Variants in LPP observed in about 807,000 individuals in gnomAD.
The protein encoded by LPP is LIM domain containing preferred translocation partner in lipoma.
LPP carries 38 observed loss-of-function variants against 60.4 expected under a neutral mutation model. That is an observed-to-expected ratio of 0.63 (90% CI 0.49 to 0.83). The LOEUF (loss-of-function observed/expected upper bound fraction) is 0.83. LPP is among the 40% of genes least tolerant of loss of function. LPP has a pLI of 0.00. For missense variants in LPP, 902 were observed against 783.6 expected, an observed-to-expected ratio of 1.15 and a Z score of -1.80; for synonymous variants, 328 against 290.8, an observed-to-expected ratio of 1.13 and a Z score of -1.30.
chr3:188,449,058 A>G (rs1234758429), intron 4 of LPP, among the ~76,000 whole-genome samples: 2 of 152,242 alleles, frequency 1.3e-5, no homozygotes, highest in African/African-American at 4.8e-5. Flanking sequence ...ATTGTGTGGT[A>G]GGAAATCCAA....
In LPP at chr3:188,276,574, C is replaced by T. The variant is rs117470991; in HGVS notation, c.-67+51047C>T. ...TGGAGTCTGGTGGGAGGTGTTGGGG[C>T]GGATCCCTCATGACTTGGTGATGTC... On this transcript the variant is annotated intron_variant, in intron 2 of 11. Coordinates refer to ENST00000617246, the MANE Select transcript of LPP (RefSeq NM_001375462.1). 1.1e-3 allele frequency among the ~76,000 whole-genome samples: 165 copies of T among 152,096 alleles called. 3 individuals are homozygous for T. Among genetic ancestry groups the T allele is most frequent in the Admixed American group, 7.3e-3 (111 of 15,272 alleles).
chr3:188,678,592 A>G (rs1431973062), intron 7 of LPP, among the ~76,000 whole-genome samples: 1 of 152,202 alleles, frequency 6.6e-6, no homozygotes, highest in African/African-American at 2.4e-5. Flanking sequence ...CTGATTCCAA[A>G]CTTTATATTT....
chr3:188,645,245 G>A (rs1850889284), intron 7 of LPP, among the ~76,000 whole-genome samples: 2 of 151,124 alleles, frequency 1.3e-5, no homozygotes, highest in South Asian at 2.1e-4. Context: ...CTCAGTTCTA[G>A]AACTTTTTTT....
chr3:188,507,632 G>A (rs953724329), intron 5 of LPP, among the ~76,000 whole-genome samples: 11 of 152,110 alleles, frequency 7.2e-5, no homozygotes, highest in Admixed American at 2.6e-4. Flanking sequence ...GCAAAACCTT[G>A]TATAGCAAGA....
chr3:188,830,248 C>T (rs13073084), intron 9 of LPP, among the ~76,000 whole-genome samples: 14,856 of 147,938 alleles, frequency 0.1, 981 homozygotes, highest in Non-Finnish European at 0.15. Context: ...ATATAGAATG[C>T]GGAAACTCAT....
At chr3:188,512,344 G>A (rs1403914455) in intron 5 of LPP, among the ~76,000 whole-genome samples, 1 of 152,066 alleles carries the variant, frequency 6.6e-6, no homozygotes, top group Non-Finnish European at 1.5e-5. Context: ...GATCGCCTGA[G>A]GTCAGGAGTT....
intron 4 of LPP, among the ~76,000 whole-genome samples, chr3:188,429,969 A>C (rs916785354): frequency 1.3e-5 from 2 of 152,198 alleles, no homozygotes; most frequent in South Asian, 2.1e-4. Flanking sequence ...ACATTAAAAA[A>C]TGTGTGTATT....
At chr3:188,615,813 G>C (rs1844735694) in intron 7 of LPP, among the ~76,000 whole-genome samples, 1 of 152,070 alleles carries the variant, frequency 6.6e-6, no homozygotes. Context: ...TTGTTGTTTT[G>C]ATTTGCATTC....
intron 6 of LPP, among the ~76,000 whole-genome samples, chr3:188,596,629 G>T (rs146521983): frequency 0.023 from 3,529 of 152,010 alleles, 47 homozygotes; most frequent in Non-Finnish European, 0.033. Context: ...AAAAAAAACT[G>T]AGCAAACATC....
rs191879441 is a variant in LPP, at chr3:188,513,789, T to C, written c.307-10876T>C. The stretch of plus-strand genomic sequence containing the variant: ...TGAGGCTACTTGTGTATACCCAAGT[T>C]CAGATCACTTTAACCATGACCCTGC... On this transcript the variant is annotated intron_variant, in intron 5 of 11. Transcript: ENST00000617246. Among the ~76,000 whole-genome samples the C allele has an allele frequency of 6.9e-4, 105 of 152,294 alleles. 2 individuals are homozygous for C. In the East Asian group the frequency reaches 0.017, roughly 25 times the overall value.
At chr3:188,825,269 C>CTCTCTCTGTGTGTGTGTGTG (rs1463318065) in intron 9 of LPP, among the ~76,000 whole-genome samples, 1 of 101,690 alleles carries the variant, frequency 9.8e-6, no homozygotes, top group African/African-American at 3.9e-5. Flanking sequence ...CTCTCTCTCT[C>CTCTCTCTGTGTGTGTGTGTG]TGTGTGTGTG....
chr3:188,697,107 C>T (rs1863416295), intron 7 of LPP, among the ~76,000 whole-genome samples: 1 of 152,292 alleles, frequency 6.6e-6, no homozygotes, highest in Non-Finnish European at 1.5e-5. Context: ...TTGTCTGCCT[C>T]CCTGCTGAGG....
chr3:188,420,689 C>T (rs1787557556), intron 4 of LPP, among the ~76,000 whole-genome samples: 1 of 152,070 alleles, frequency 6.6e-6, no homozygotes. Flanking sequence ...AGAAAAGTAA[C>T]ATCTCTGTCT....
chr3:188,637,124 T>C (rs1011925117), intron 7 of LPP, among the ~76,000 whole-genome samples: 1 of 150,758 alleles, frequency 6.6e-6, no homozygotes, highest in African/African-American at 2.5e-5. Flanking sequence ...TAAAGTTCTC[T>C]TCAGCAAACG....
intron 7 of LPP, among the ~76,000 whole-genome samples, chr3:188,706,997 T>G (rs1865606404): frequency 6.6e-6 from 1 of 152,188 alleles, no homozygotes; most frequent in Non-Finnish European, 1.5e-5. Context: ...ATAAATTCCC[T>G]TTTAATCACA....
At chr3:188,353,235 T>G (rs140887530) in intron 3 of LPP, among the ~76,000 whole-genome samples, 223 of 152,314 alleles carry the variant, frequency 1.5e-3, no homozygotes, top group African/African-American at 5.2e-3. Flanking sequence ...CACTTTTTAT[T>G]CTTGCCCTAC....
chr3:188,417,408 T>C (rs1224164189), intron 4 of LPP, among the ~76,000 whole-genome samples: 2 of 151,616 alleles, frequency 1.3e-5, no homozygotes, highest in African/African-American at 4.8e-5. Flanking sequence ...CAGAAAAGGG[T>C]GGTGGACAGC....
chr3:188,824,663 C>T (rs73888923), intron 9 of LPP, among the ~76,000 whole-genome samples: 2,851 of 152,132 alleles, frequency 0.019, 81 homozygotes, highest in African/African-American at 0.064. Context: ...ACCTGGGATG[C>T]GTGAGGGAGT....
intron 9 of LPP, among the ~76,000 whole-genome samples, chr3:188,825,488 G>T (rs2151504807): frequency 6.6e-6 from 1 of 152,096 alleles, no homozygotes; most frequent in South Asian, 2.1e-4. Context: ...AACCCAGGGG[G>T]CTCTTGCTCT....
Sources: gnomAD v4.1 joint callset for allele counts (sites outside exome capture counted in the v4.1 genomes callset) on GRCh38, gnomAD v4.1.1 for gene constraint, MANE v1.5 for transcripts, NCBI Gene and HGNC (gene_info 2026-07-23, HGNC 2026-07-21) for gene names.